Variants in ARMC8 observed in about 807,000 individuals in gnomAD.
ARMC8 encodes armadillo repeat containing 8, also known as armadillo repeat-containing protein 8.
ARMC8 carries 20 observed loss-of-function variants against 99.3 expected under a neutral mutation model. The ratio of observed to expected loss-of-function variants is 0.20; its 90% CI spans 0.14 to 0.29. The LOEUF (loss-of-function observed/expected upper bound fraction) is 0.29, where lower values mean the gene tolerates loss of function less well. Among genes scored for constraint, ARMC8 ranks in the 10% least tolerant of loss-of-function variants. ARMC8 has a pLI of 1.00. For missense variants in ARMC8, 569 were observed against 809.5 expected (o/e 0.70, Z 3.60); for synonymous variants, 263 against 278.3 (o/e 0.95, Z 0.55).
chr3:138,272,586 A>G (rs1268142941), intron 16 of ARMC8, among the ~76,000 whole-genome samples: 1 of 152,202 alleles, frequency 6.6e-6, no homozygotes, highest in Non-Finnish European at 1.5e-5. Flanking sequence ...TTTGAAAATT[A>G]TCAGAGTTGG....
intron 1 of ARMC8, among the ~76,000 whole-genome samples, chr3:138,193,966 T>A (rs1433341030): frequency 1.3e-5 from 2 of 152,204 alleles, no homozygotes; most frequent in Non-Finnish European, 2.9e-5. Flanking sequence ...TTTGAATCAC[T>A]TTGTAGGCTA....
At chr3:138,267,328 T>A in intron 15 of ARMC8, 87 bp downstream of exon 15, 1 of 786,198 alleles carries the variant, frequency 1.3e-6, no homozygotes, top group Non-Finnish European at 1.9e-6. Context: ...CATTGAAATC[T>A]GTGGGTTGGG....
intron 12 of ARMC8, chr3:138,246,434 A>G (rs2046885299): frequency 4.1e-6 from 4 of 985,490 alleles, no homozygotes; most frequent in African/African-American, 1.7e-5. Context: ...TGTTGACGCC[A>G]ATGTTCAGTT....
At chr3:138,192,592 C>T (rs1356419136) in intron 1 of ARMC8, among the ~76,000 whole-genome samples, 2 of 152,124 alleles carry the variant, frequency 1.3e-5, no homozygotes, top group Admixed American at 1.3e-4. Flanking sequence ...GCACTGTCAC[C>T]TAGGCTGGAG....
chr3:138,239,630 A>G (rs998999314), intron 10 of ARMC8, 102 bp downstream of exon 10: 2 of 707,514 alleles, frequency 2.8e-6, no homozygotes, highest in Non-Finnish European at 4.7e-6. Flanking sequence ...TCATTATGAT[A>G]TATGTGCATG....
At chr3:138,270,631 TG>T (rs2048702207) in intron 16 of ARMC8, among the ~76,000 whole-genome samples, 1 of 152,200 alleles carries the variant, frequency 6.6e-6, no homozygotes, top group Non-Finnish European at 1.5e-5. Flanking sequence ...AAATAGATTG[TG>T]GGATGGCTAA....
At chr3:138,240,714 T>C (rs536888687) in intron 10 of ARMC8, among the ~76,000 whole-genome samples, 3 of 152,340 alleles carry the variant, frequency 2.0e-5, no homozygotes, top group South Asian at 4.1e-4. Context: ...TAGGAACTTA[T>C]TATATATAAA....
At chr3:138,243,438 T>G (rs1576744024) in intron 11 of ARMC8, among the ~76,000 whole-genome samples, 1 of 152,196 alleles carries the variant, frequency 6.6e-6, no homozygotes, top group East Asian at 1.9e-4. Flanking sequence ...AATTTGTGAT[T>G]TTCATGATAT....
intron 15 of ARMC8, among the ~76,000 whole-genome samples, chr3:138,268,016 G>A (rs2048436485): frequency 6.6e-6 from 1 of 152,136 alleles, no homozygotes; most frequent in Admixed American, 6.5e-5. Context: ...GCCAAGGCAG[G>A]CAGAACACTT....
chr3:138,217,581 T>C (rs1357383677), intron 2 of ARMC8, among the ~76,000 whole-genome samples: 1 of 152,182 alleles, frequency 6.6e-6, no homozygotes, highest in Non-Finnish European at 1.5e-5. Flanking sequence ...GCAAAGAAAG[T>C]AAAGTAGAAA....
rs780775753 is a variant in ARMC8 at position 138,267,168 on chromosome 3, C to T, written c.1313C>T (p.Ala438Val). ...TTAATTCCATAGGTTTTACAAAATG[C>T]ACCAGATGAAATCCTAGTGGTAGCA... ...WKPLMKVLQN[A>V]PDEILVVASS... Residue 438 changes from alanine (A) to valine (V), a missense_variant, in exon 15 of 22, where the codon GCA becomes GTA. By Grantham distance (64) the Ala-to-Val change is moderately conservative. Coordinates refer to ENST00000469044, the MANE Select transcript of ARMC8 (RefSeq NM_001363941.2). 1 of 1,567,070 alleles carries T rather than the reference C, an allele frequency of 6.4e-7. No homozygotes were observed. The highest frequency in any genetic ancestry group is 1.2e-5 in the South Asian group (1 of 84,268).
chr3:138,290,200 T>C (rs1389393506), intron 20 of ARMC8, among the ~76,000 whole-genome samples: 2 of 152,110 alleles, frequency 1.3e-5, no homozygotes, highest in Non-Finnish European at 2.9e-5. Flanking sequence ...GCCAGGGCCA[T>C]GGGTATGTCC....
chr3:138,233,336 A>G (rs185736009), intron 6 of ARMC8, among the ~76,000 whole-genome samples: 4 of 152,360 alleles, frequency 2.6e-5, no homozygotes, highest in East Asian at 3.9e-4. Context: ...ATATGTAACA[A>G]TAACTATATC....
intron 18 of ARMC8, among the ~76,000 whole-genome samples, chr3:138,283,986 C>T (rs567676170): frequency 1.3e-5 from 2 of 152,134 alleles, no homozygotes; most frequent in African/African-American, 2.4e-5. Flanking sequence ...CAGGTGGAGG[C>T]CTAGGAAAGG....
rs1262268284 is a variant in ARMC8 at position 138,242,037 on chromosome 3, T to A, written c.1038+54T>A. 6 of 1,498,374 alleles carry A rather than the reference T, an allele frequency of 4.0e-6. No homozygotes were observed. In the African/African-American group the frequency reaches 6.9e-5, roughly 17 times the overall value. The allele number at this position is 1,498,374 out of a possible 1,614,324, so 92.8% of individuals were successfully genotyped here. ...AAGGGAGATTTTTCTAAAGTTTTTCTTACTGTTCACAGTTTTGAACCAATT... is the reference window on the plus strand; with the variant it reads ...AAGGGAGATTTTTCTAAAGTTTTTCATACTGTTCACAGTTTTGAACCAATT... On this transcript the variant is annotated intron_variant, in intron 11 of 21. Coordinates refer to ENST00000469044, the MANE Select transcript of ARMC8 (RefSeq NM_001363941.2).
In ARMC8 at chr3:138,222,009, G is replaced by GTCTCAC. The variant is rs2045426632; in HGVS notation, c.194+13_194+18dup. 6.2e-7 allele frequency: 1 copy of GTCTCAC among 1,607,260 alleles called. No homozygotes were observed. The highest frequency in any genetic ancestry group is 1.3e-5 in the African/African-American group (1 of 74,758). On this transcript the variant is annotated intron_variant, in intron 3 of 21. Transcript: ENST00000469044. Reference sequence around the variant, plus strand: ...GGAGCTGTTCCAAGGTATGTTTGCTGTCTCACCCCTTTCTTGCCATTCATA... The same window carrying GTCTCAC: ...GGAGCTGTTCCAAGGTATGTTTGCTGTCTCACTCTCACCCCTTTCTTGCCATTCATA...
chr3:138,263,884 G>T, intron 13 of ARMC8, 63 bp downstream of exon 13: 2 of 1,393,624 alleles, frequency 1.4e-6, no homozygotes, highest in Non-Finnish European at 2.0e-6. Context: ...TTTCCTTTCT[G>T]GTCCTTCACT....
chr3:138,194,348 T>TC (rs1383477731), intron 1 of ARMC8, among the ~76,000 whole-genome samples: 2 of 144,358 alleles, frequency 1.4e-5, no homozygotes, highest in African/African-American at 5.2e-5. Context: ...CAGCTTTTTT[T>TC]TTTTTTTTTT....
In ARMC8 at chr3:138,241,925, T is replaced by C; in HGVS notation, c.980T>C (p.Met327Thr). ...IASITDHLIA[M>T]LADYFKYPSS... ...AGCATAACTGATCACCTCATTGCCA[T>C]GCTTGCTGATTATTTCAAGTATCCC... Residue 327 changes from methionine to threonine, a missense_variant, in exon 11 of 22, where the codon ATG (methionine) becomes ACG (threonine). By Grantham distance (81) the Met-to-Thr change is moderately conservative. Around this residue, in one of 2 missense-constraint regions of ARMC8, gnomAD observed 342 missense variants for 391.6 expected, o/e 0.87. Coordinates refer to ENST00000469044, the MANE Select transcript of ARMC8 (RefSeq NM_001363941.2). 1 of 1,614,088 alleles carries C rather than the reference T, an allele frequency of 6.2e-7. No homozygotes were observed. Among genetic ancestry groups the C allele is most frequent in the Non-Finnish European group, 8.5e-7 (1 of 1,179,968 alleles).
Sources: allele counts gnomAD v4.1 joint callset (sites outside exome capture counted in the v4.1 genomes callset), GRCh38; gene constraint gnomAD v4.1.1; regional missense constraint gnomAD v4.1.1; transcripts MANE v1.5; gene names NCBI Gene and HGNC (gene_info 2026-07-23, HGNC 2026-07-21).